Variants in MGAM2 observed in about 807,000 individuals in gnomAD.
The protein encoded by MGAM2 is probable maltase-glucoamylase 2.
Under a neutral mutation model 96.1 loss-of-function variants are expected in MGAM2, and 98 were observed. The ratio of observed to expected loss-of-function variants is 1.02; its 90% CI spans 0.87 to 1.21. MGAM2 has a LOEUF of 1.21. Among genes scored for constraint, MGAM2 ranks in the 50% most tolerant of loss-of-function variants. The probability of loss-of-function intolerance (pLI) is 0.00; values close to 1 mark genes in which losing one functional copy is unlikely to be tolerated. For missense variants in MGAM2, 2,055 were observed against 1,182.4 expected (o/e 1.74, Z -10.82); for synonymous variants, 749 against 414.8 (o/e 1.81, Z -9.79).
chr7:142,215,758 C>CAA (rs561282810), intron 46 of MGAM2, among the ~76,000 whole-genome samples: 1,168 of 104,046 alleles, frequency 0.011, 22 homozygotes, highest in African/African-American at 0.04. Flanking sequence ...AACTCTGTCT[C>CAA]AAAAAAAAAA....
intron 46 of MGAM2, among the ~76,000 whole-genome samples, chr7:142,215,127 A>C (rs190287746): frequency 1.2e-3 from 186 of 152,358 alleles, no homozygotes; most frequent in African/African-American, 4.4e-3. Flanking sequence ...AGCCATAAAA[A>C]AGAATGAGTT....
At chr7:142,189,920 T>C (rs1796817663) in intron 37 of MGAM2, among the ~76,000 whole-genome samples, 1 of 152,196 alleles carries the variant, frequency 6.6e-6, no homozygotes, top group Admixed American at 6.5e-5. Context: ...CAATATGTGC[T>C]CTTTTGTATA....
intron 45 of MGAM2, among the ~76,000 whole-genome samples, chr7:142,207,177 T>C (rs1026612969): frequency 2.0e-5 from 3 of 152,072 alleles, no homozygotes; most frequent in African/African-American, 4.8e-5. Context: ...AGGAACCATA[T>C]GGGAAGGAGA....
chr7:142,205,807 A>G (rs894993001), intron 45 of MGAM2, among the ~76,000 whole-genome samples: 1 of 151,952 alleles, frequency 6.6e-6, no homozygotes, highest in Non-Finnish European at 1.5e-5. Flanking sequence ...TAATTTATCT[A>G]TTTTTTTCTA....
rs1489176190 is a variant in MGAM2 at position 142,187,838 on chromosome 7, T to C, written c.4207+4T>C. On this transcript the variant is annotated splice_donor_region_variant and intron_variant, in intron 36 of 47. Coordinates refer to ENST00000477922, the MANE Select transcript of MGAM2 (RefSeq NM_001293626.2). ...AATAACCCACCCTATATGCCATGTA[T>C]GTAAAATAATTACTTCATCAACTTA... 1.4e-6 allele frequency: 1 copy of C among 701,434 alleles called. No individual in the cohort carries two copies. Among genetic ancestry groups the C allele is most frequent in the Non-Finnish European group, 2.6e-6 (1 of 384,104 alleles). The allele number at this position is 701,434 out of a possible 1,614,324, so 43.5% of individuals were successfully genotyped here. A position where few individuals can be genotyped will look rare whatever the true frequency, so the allele number is the denominator to read the frequency against.
intron 45 of MGAM2, 181 bp from the exon 46 acceptor site, chr7:142,208,392 T>C (rs2129104524): frequency 1.5e-6 from 1 of 658,146 alleles, no homozygotes; most frequent in East Asian, 2.8e-5. Flanking sequence ...CATTTGCACA[T>C]CCCCACACTA....
At chr7:142,178,166 A>G (rs1044982264) in intron 32 of MGAM2, among the ~76,000 whole-genome samples, 1 of 152,126 alleles carries the variant, frequency 6.6e-6, no homozygotes, top group Non-Finnish European at 1.5e-5. Context: ...TCTTCTTTTG[A>G]GCAGTGTCTG....
At chr7:142,180,060 T>C (rs1296273683) in intron 32 of MGAM2, among the ~76,000 whole-genome samples, 1 of 152,104 alleles carries the variant, frequency 6.6e-6, no homozygotes, top group Non-Finnish European at 1.5e-5. Context: ...TTTATGGTGT[T>C]ATTTCCTTTC....
chr7:142,171,838 G>A (rs73547322), intron 28 of MGAM2, among the ~76,000 whole-genome samples: 14,328 of 151,222 alleles, frequency 0.095, 777 homozygotes, highest in East Asian at 0.15. Context: ...AGAAATAGAC[G>A]CAGAAATTGT....
At chr7:142,153,821 T>A (rs1290953792) in intron 15 of MGAM2, among the ~76,000 whole-genome samples, 197 bp from the exon 16 acceptor site, 3 of 152,198 alleles carry the variant, frequency 2.0e-5, no homozygotes, top group Non-Finnish European at 4.4e-5. Context: ...GTTTGTACTG[T>A]CTTATATGAG....
intron 46 of MGAM2, among the ~76,000 whole-genome samples, chr7:142,211,237 C>A (rs780632463): frequency 6.6e-6 from 1 of 152,128 alleles, no homozygotes; most frequent in African/African-American, 2.4e-5. Flanking sequence ...ATGAGGAAAA[C>A]CCAGTGCAAA....
At position 142,208,455 on chromosome 7, in the gene MGAM2, T is replaced by TGAC. The variant is rs1352726966; in HGVS notation, c.5138-117_5138-115dup. The TGAC allele has an allele frequency of 1.2e-4, 78 of 664,792 alleles. No homozygotes were observed. The African/African-American group carries it at 1.2e-3, about 10-fold the overall frequency. The allele number at this position is 664,792 out of a possible 1,614,324, so 41.2% of individuals were successfully genotyped here. On this transcript the variant is annotated intron_variant, in intron 45 of 47. Coordinates refer to ENST00000477922, the MANE Select transcript of MGAM2 (RefSeq NM_001293626.2). ...CTCTCTTCAGTGCTCCTCAGAGAGGTGACAATCATCAGTAACTGTGACCCC... is the reference window on the plus strand; with the variant it reads ...CTCTCTTCAGTGCTCCTCAGAGAGGTGACGACAATCATCAGTAACTGTGACCCC...
intron 26 of MGAM2, among the ~76,000 whole-genome samples, chr7:142,169,137 A>G (rs1416579331): frequency 5.3e-5 from 8 of 152,190 alleles, no homozygotes; most frequent in East Asian, 3.9e-4. Flanking sequence ...GGACTTTAGA[A>G]AACCTTCACC....
At chr7:142,141,190 T>A (rs977224077) in intron 12 of MGAM2, 71 bp downstream of exon 12, 2 of 667,058 alleles carry the variant, frequency 3.0e-6, no homozygotes, top group African/African-American at 3.6e-5. Context: ...CGAAGATGAG[T>A]GAAAGGCAAG....
At chr7:142,213,770 C>T (rs1230229164) in intron 46 of MGAM2, among the ~76,000 whole-genome samples, 2 of 152,158 alleles carry the variant, frequency 1.3e-5, no homozygotes, top group Non-Finnish European at 2.9e-5. Context: ...ACCGTTCCTC[C>T]TGAAACTATT....
intron 46 of MGAM2, among the ~76,000 whole-genome samples, chr7:142,216,716 T>C (rs1407312477): frequency 2.6e-5 from 4 of 152,184 alleles, no homozygotes; most frequent in African/African-American, 9.7e-5. Context: ...CCCATTTATT[T>C]TGAGCTGTAT....
intron 36 of MGAM2, among the ~76,000 whole-genome samples, chr7:142,188,293 T>A (rs1373121099): frequency 2.6e-5 from 4 of 152,106 alleles, no homozygotes; most frequent in Non-Finnish European, 5.9e-5. Context: ...CAAAAGGATC[T>A]CAGAAAGTTG....
chr7:142,128,718 A>T (rs1374504124), intron 3 of MGAM2, among the ~76,000 whole-genome samples: 2 of 152,184 alleles, frequency 1.3e-5, no homozygotes, highest in Non-Finnish European at 2.9e-5. Context: ...GAAGTCAAGC[A>T]CCGAGGTATA....
At chr7:142,151,497 A>G (rs142205441) in intron 15 of MGAM2, among the ~76,000 whole-genome samples, 7 of 152,294 alleles carry the variant, frequency 4.6e-5, no homozygotes, top group East Asian at 1.9e-4. Context: ...ATAAGACTCA[A>G]TTTCCTCATC....
Sources: gnomAD v4.1 joint callset for allele counts (sites outside exome capture counted in the v4.1 genomes callset) on GRCh38, gnomAD v4.1.1 for gene constraint, MANE v1.5 for transcripts, NCBI Gene and HGNC (gene_info 2026-07-23, HGNC 2026-07-21) for gene names.